The following SHANK2 variants were observed in gnomAD, a reference collection of about 807,000 sequenced individuals.
SHANK2 encodes the protein SH3 and multiple ankyrin repeat domains 2.
In SHANK2, 43 loss-of-function variants were observed where a neutral mutation model predicts 133.7. That is an observed-to-expected ratio of 0.32 (90% CI 0.25 to 0.41). The LOEUF is 0.41. Among genes scored for constraint, SHANK2 ranks in the 10% least tolerant of loss-of-function variants. The pLI, the probability that SHANK2 is intolerant of heterozygous loss-of-function variation, is 1.00. For missense variants in SHANK2, 1,994 were observed against 2,235.8 expected, an observed-to-expected ratio of 0.89 and a Z score of 2.18; for synonymous variants, 1,017 against 952.8, an observed-to-expected ratio of 1.07 and a Z score of -1.24.
At chr11:70,952,882 T>C (rs1565426763) in intron 10 of SHANK2, 2 of 295,358 alleles carry the variant, frequency 6.8e-6, no homozygotes, top group East Asian at 2.1e-4. Context: ...CATGCAGTCC[T>C]GTAAGCCAGT....
intron 8 of SHANK2, among the ~76,000 whole-genome samples, chr11:71,091,284 A>G (rs562651477): frequency 2.6e-5 from 4 of 152,182 alleles, no homozygotes; most frequent in Admixed American, 2.0e-4. Context: ...CGGGAGGAAC[A>G]GGGGCTTCTC....
intron 22 of SHANK2, among the ~76,000 whole-genome samples, chr11:70,492,044 C>T (rs1555155918): frequency 6.6e-6 from 1 of 152,186 alleles, no homozygotes; most frequent in Non-Finnish European, 1.5e-5. Flanking sequence ...TGTCAAGGCC[C>T]CTTACTTCCA....
intron 17 of SHANK2, among the ~76,000 whole-genome samples, chr11:70,545,253 A>C (rs2059676357): frequency 6.6e-6 from 1 of 152,226 alleles, no homozygotes; most frequent in South Asian, 2.1e-4. Flanking sequence ...TCGCATTGCT[A>C]ATCAGCTCCT....
intron 11 of SHANK2, among the ~76,000 whole-genome samples, chr11:70,828,224 A>G (rs1430206715): frequency 1.3e-5 from 2 of 152,176 alleles, no homozygotes; most frequent in East Asian, 3.9e-4. Context: ...CAATGCTCCA[A>G]TGAGCTATGA....
intron 8 of SHANK2, among the ~76,000 whole-genome samples, chr11:71,086,909 A>T (rs1951427717): frequency 6.6e-6 from 1 of 152,176 alleles, no homozygotes; most frequent in African/African-American, 2.4e-5. Flanking sequence ...TCACATTATC[A>T]CTGAGAATCT....
chr11:70,655,607 T>C (rs1178842827), intron 17 of SHANK2, among the ~76,000 whole-genome samples: 1 of 152,206 alleles, frequency 6.6e-6, no homozygotes, highest in Non-Finnish European at 1.5e-5. Flanking sequence ...TCTGCCTGCC[T>C]GCTGTTGAGT....
chr11:70,521,835 G>A lies in SHANK2; in HGVS notation c.2062-18904C>T, dbSNP rs148943625. On this transcript the variant is annotated intron_variant, in intron 17 of 25. Transcript: ENST00000601538. Reference sequence around the variant, plus strand: ...CGGTGCCACGGCAGCTCCCAGAGACGCTCCCTGCACCTGACTGCAGCCACA... The same window carrying A: ...CGGTGCCACGGCAGCTCCCAGAGACACTCCCTGCACCTGACTGCAGCCACA... Among the ~76,000 whole-genome samples the A allele has an allele frequency of 9.8e-3, 1,489 of 152,300 alleles. 13 individuals carry two copies. The highest frequency in any genetic ancestry group is 0.033 in the African/African-American group (1,384 of 41,550).
chr11:70,757,226 A>G (rs1441707415), intron 14 of SHANK2, among the ~76,000 whole-genome samples: 2 of 152,214 alleles, frequency 1.3e-5, no homozygotes, highest in African/African-American at 4.8e-5. Flanking sequence ...TTTGAATCCC[A>G]CCCAGCTTTG....
Position 70,865,858 on chromosome 11 carries a change from G to GTAC in SHANK2, c.1174+30640_1174+30642dup, listed in dbSNP as rs1949348994. Among the ~76,000 whole-genome samples the GTAC allele has an allele frequency of 2.6e-5, 4 of 152,266 alleles. No individual in the cohort carries two copies. In the South Asian group the frequency reaches 8.3e-4, roughly 32 times the overall value. On this transcript the variant is annotated intron_variant, in intron 11 of 25. Transcript: ENST00000601538. ...AAACCAAGCACCTGCCTTGTGCTAG[G>GTAC]TACTGCTCTACCCAAGCATCAAGGA...
chr11:70,597,347 GAC>G (rs1171906634), intron 17 of SHANK2, among the ~76,000 whole-genome samples: 1 of 152,138 alleles, frequency 6.6e-6, no homozygotes, highest in Non-Finnish European at 1.5e-5. Context: ...GTACTTAGTA[GAC>G]ACAGGAAACC....
intron 2 of SHANK2, among the ~76,000 whole-genome samples, chr11:71,153,389 C>T (rs11232305): frequency 0.33 from 49,753 of 151,786 alleles, 10,027 homozygotes; most frequent in African/African-American, 0.57. Flanking sequence ...TAGCTACTAA[C>T]GAGGAGAAAA....
At chr11:70,760,183 T>C (rs1432150239) in intron 14 of SHANK2, among the ~76,000 whole-genome samples, 1 of 152,360 alleles carries the variant, frequency 6.6e-6, no homozygotes, top group East Asian at 1.9e-4. Flanking sequence ...TGTCAGGACC[T>C]GCTTTGTGAA....
chr11:70,506,495 G>C (rs570063608), intron 17 of SHANK2, among the ~76,000 whole-genome samples: 17 of 152,236 alleles, frequency 1.1e-4, no homozygotes, highest in Non-Finnish European at 1.9e-4. Flanking sequence ...TCTGAAAGCT[G>C]ATGACAAAGA....
chr11:71,067,151 C>A (rs1383950674), intron 9 of SHANK2, among the ~76,000 whole-genome samples: 2 of 152,184 alleles, frequency 1.3e-5, no homozygotes, highest in Non-Finnish European at 2.9e-5. Flanking sequence ...ACACCCACAA[C>A]GCCCAATGCT....
chr11:70,699,342 T>C (rs1945471774), intron 14 of SHANK2, among the ~76,000 whole-genome samples: 1 of 151,642 alleles, frequency 6.6e-6, no homozygotes, highest in South Asian at 2.1e-4. Context: ...ATAAATTTCA[T>C]GGGAAATGAT....
Position 71,218,346 on chromosome 11 carries a change from C to T in SHANK2, c.-13+6351G>A, listed in dbSNP as rs1042227411. ...ATGGTGCAACCTTGCCTCACCGCAA[C>T]CTGCGCCTCCCAGGTTCAAGCGATT... On this transcript the variant is annotated intron_variant, in intron 2 of 25. Coordinates refer to ENST00000601538, the MANE Select transcript of SHANK2 (RefSeq NM_012309.5). Among the ~76,000 whole-genome samples, 6 of 150,084 alleles carry T rather than the reference C, an allele frequency of 4.0e-5. No individual in the cohort carries two copies. In the South Asian group the frequency reaches 1.3e-3, roughly 32 times the overall value.
intron 17 of SHANK2, among the ~76,000 whole-genome samples, chr11:70,616,834 G>A (rs1366847042): frequency 1.3e-5 from 2 of 152,184 alleles, no homozygotes; most frequent in African/African-American, 4.8e-5. Flanking sequence ...AGCCTGCGGG[G>A]CGTCCCCCGA....
intron 17 of SHANK2, among the ~76,000 whole-genome samples, chr11:70,579,989 C>G (rs1357293646): frequency 6.6e-6 from 1 of 152,170 alleles, no homozygotes; most frequent in Non-Finnish European, 1.5e-5. Context: ...AGAAACCAGC[C>G]CTGACCACAC....
intron 2 of SHANK2, among the ~76,000 whole-genome samples, chr11:71,196,780 C>G (rs1336202444): frequency 6.6e-6 from 1 of 151,554 alleles, no homozygotes; most frequent in Non-Finnish European, 1.5e-5. Context: ...GGCAGATCAC[C>G]TGAGGTCAGG....
Sources: allele counts gnomAD v4.1 joint callset (sites outside exome capture counted in the v4.1 genomes callset), GRCh38; gene constraint gnomAD v4.1.1; transcripts MANE v1.5; gene names NCBI Gene and HGNC (gene_info 2026-07-23, HGNC 2026-07-21).